HMCN1: variants seen among roughly 807,000 people sequenced by gnomAD.
The protein encoded by HMCN1 is hemicentin 1, also known as hemicentin-1.
In HMCN1, 321 loss-of-function variants were observed where a neutral mutation model predicts 625.9. The observed-to-expected ratio is 0.51, with a 90% CI of 0.47 to 0.56. HMCN1 has a LOEUF of 0.56. Among genes scored for constraint, HMCN1 ranks in the 20% least tolerant of loss-of-function variants. The probability of loss-of-function intolerance (pLI) is 0.00; values close to 1 mark genes in which losing one functional copy is unlikely to be tolerated. For synonymous variants in HMCN1, 2,425 were observed against 2,417.6 expected (o/e 1.00, Z -0.09); for missense variants, 6,588 against 6,887.3 (o/e 0.96, Z 1.54).
chr1:186,174,584 C>A lies in HMCN1; in HGVS notation c.15885C>A (p.Ser5295Arg). The A allele has an allele frequency of 6.2e-7, 1 of 1,613,808 alleles. No homozygotes were observed. The highest frequency in any genetic ancestry group is 8.5e-7 in the Non-Finnish European group (1 of 1,179,736). Residue 5295 changes from serine to arginine, a missense_variant, in exon 103 of 107, where the codon AGC becomes AGA. This residue lies in a region of HMCN1 where 1,954 missense variants were observed against 2,013.1 expected (regional missense o/e 0.97). Transcript: ENST00000271588. ...YNQICENTRG[S>R]YRCVCPRGYR... is the part of the protein sequence containing the mutation. Reference sequence around the variant, plus strand: ...AGATATGTGAGAATACAAGAGGCAGCTATCGTTGTGTATGCCCAAGAGGTT... The same window carrying A: ...AGATATGTGAGAATACAAGAGGCAGATATCGTTGTGTATGCCCAAGAGGTT...
chr1:186,190,521 G>A lies in HMCN1; in HGVS notation c.*643G>A, dbSNP rs1353461869. The A allele has an allele frequency of 1.5e-5, 3 of 202,404 alleles. No homozygotes were observed. The highest frequency in any genetic ancestry group is 6.9e-5 in the African/African-American group (3 of 43,608). 12.5% of individuals were successfully genotyped at this position (202,404 alleles called of 1,614,324 possible). Reference sequence around the variant, plus strand: ...TTTCAGTGATTTTGTGAGATCAGCTGAACCACTTATGATAATAATAATAAA... The same window carrying A: ...TTTCAGTGATTTTGTGAGATCAGCTAAACCACTTATGATAATAATAATAAA... On this transcript the variant is annotated 3_prime_UTR_variant, in exon 107 of 107. Coordinates refer to ENST00000271588, the MANE Select transcript of HMCN1 (RefSeq NM_031935.3).
rs192579196 is a variant in HMCN1 at position 185,835,456 on chromosome 1, A to G, written c.269-10570A>G. Among the ~76,000 whole-genome samples, 386 of 152,292 alleles carry G rather than the reference A, an allele frequency of 2.5e-3. 2 individuals carry two copies. Among genetic ancestry groups the G allele is most frequent in the Non-Finnish European group, 3.1e-3 (213 of 68,028 alleles). On this transcript the variant is annotated intron_variant, in intron 1 of 106. Coordinates refer to ENST00000271588, the MANE Select transcript of HMCN1 (RefSeq NM_031935.3). ...TAAGGGGAGGGGGTGGGATGGCTCA[A>G]ATGTGGATGCTTTCCTATTATCAAG...
intron 46 of HMCN1, among the ~76,000 whole-genome samples, chr1:186,057,871 T>C (rs1424883955): frequency 1.3e-5 from 2 of 152,042 alleles, no homozygotes; most frequent in Non-Finnish European, 2.9e-5. Context: ...TCAAGAGATA[T>C]TGATCATATT....
At chr1:186,125,012 T>C (rs1480624806) in intron 81 of HMCN1, among the ~76,000 whole-genome samples, 3 of 152,152 alleles carry the variant, frequency 2.0e-5, no homozygotes, top group Non-Finnish European at 4.4e-5. Context: ...TTTGGTACTA[T>C]ACTGTGCAGT....
At chr1:186,164,238 A>ATTT (rs1651721502) in intron 97 of HMCN1, among the ~76,000 whole-genome samples, 1 of 133,160 alleles carries the variant, frequency 7.5e-6, no homozygotes, top group Non-Finnish European at 1.6e-5. Flanking sequence ...TCTAACTTAA[A>ATTT]TCTTTTTTTT....
intron 11 of HMCN1, among the ~76,000 whole-genome samples, chr1:185,959,367 G>A (rs1173661505): frequency 6.6e-6 from 1 of 151,984 alleles, no homozygotes; most frequent in East Asian, 1.9e-4. Flanking sequence ...TGAGATGGCT[G>A]TTTTCATGGC....
rs370518238 is a variant in HMCN1 at position 185,993,226 on chromosome 1, G to A, written c.3422G>A (p.Arg1141His). 98 of 1,612,464 alleles carry A rather than the reference G, an allele frequency of 6.1e-5. No individual in the cohort carries two copies. The highest frequency in any genetic ancestry group is 7.7e-5 in the Non-Finnish European group (91 of 1,178,802). The change falls in exon 23 of 107, where the codon CGC (arginine) becomes CAC (histidine). Residue 1141 changes from arginine (R) to histidine (H), a missense_variant. By Grantham distance (29) the Arg-to-His change is conservative. Transcript: ENST00000271588. ...GGTTCAATGAAGATCACTGAAACCC[G>A]CACTTCAGATAGTGGGATGTATCTT... ...PSGSMKITET[R>H]TSDSGMYLCV...
intron 39 of HMCN1, among the ~76,000 whole-genome samples, chr1:186,040,569 A>T (rs1656138051): frequency 6.6e-6 from 1 of 152,196 alleles, no homozygotes; most frequent in African/African-American, 2.4e-5. Flanking sequence ...TTAGAAATAC[A>T]ACTGAATCCA....
At chr1:185,735,527 C>G (rs1653499404) in intron 1 of HMCN1, among the ~76,000 whole-genome samples, 1 of 152,170 alleles carries the variant, frequency 6.6e-6, no homozygotes, top group African/African-American at 2.4e-5. Flanking sequence ...TAAGTAGTAA[C>G]TACTAGTGGA....
chr1:186,115,512 T>C (rs1313333513), intron 75 of HMCN1, 98 bp downstream of exon 75: 3 of 1,121,082 alleles, frequency 2.7e-6, no homozygotes, highest in Admixed American at 1.9e-5. Flanking sequence ...ATATAGACTA[T>C]AACAAATTAG....
chr1:185,909,821 G>T (rs932643348), intron 5 of HMCN1, among the ~76,000 whole-genome samples: 1 of 152,024 alleles, frequency 6.6e-6, no homozygotes, highest in Non-Finnish European at 1.5e-5. Context: ...ATATTTTACA[G>T]TAACTTACTC....
At chr1:185,907,506 C>T (rs1666163412) in intron 4 of HMCN1, among the ~76,000 whole-genome samples, 1 of 152,068 alleles carries the variant, frequency 6.6e-6, no homozygotes, top group South Asian at 2.1e-4. Flanking sequence ...TATCTGAGCA[C>T]TTCACTGCAG....
At chr1:185,794,652 A>G (rs1420753887) in intron 1 of HMCN1, among the ~76,000 whole-genome samples, 1 of 130,182 alleles carries the variant, frequency 7.7e-6, no homozygotes. Context: ...CTGTGCCGGC[A>G]GCTGATTAGG....
intron 7 of HMCN1, 93 bp from the exon 8 acceptor site, chr1:185,923,297 G>A: frequency 1.0e-6 from 1 of 976,706 alleles, no homozygotes; most frequent in Non-Finnish European, 1.6e-6. Context: ...CATCCTTATG[G>A]TACTCATATA....
chr1:186,088,552 TGTTAAA>T (rs1659661952), intron 62 of HMCN1, 48 bp from the exon 63 acceptor site: 2 of 1,565,458 alleles, frequency 1.3e-6, no homozygotes, highest in Non-Finnish European at 8.7e-7. Context: ...ATTTTAGAGA[TGTTAAA>T]GTTTAAAGGT....
At chr1:186,084,813 T>A (rs1303868623) in intron 57 of HMCN1, among the ~76,000 whole-genome samples, 1 of 152,080 alleles carries the variant, frequency 6.6e-6, no homozygotes, top group South Asian at 2.1e-4. Flanking sequence ...ATGTTTTATA[T>A]AGGTTATTTC....
rs759282631 is a variant in HMCN1, at chr1:185,995,022, T to C, written c.3713T>C (p.Ile1238Thr). 1.2e-6 allele frequency: 2 copies of C among 1,613,742 alleles called. No individual in the cohort carries two copies. The highest frequency in any genetic ancestry group is 1.1e-5 in the South Asian group (1 of 91,068). Residue 1238 changes from isoleucine (I) to threonine (T), a missense_variant, in exon 24 of 107, where the codon ATA (isoleucine) becomes ACA (threonine). Physicochemically the swap from Ile to Thr is moderately conservative, Grantham distance 89 (BLOSUM62 -1). Coordinates refer to ENST00000271588, the MANE Select transcript of HMCN1 (RefSeq NM_031935.3). ...IDQATPSDAG[I>T]YTCVATNIAG... ...CAAGCCACGCCCTCAGATGCTGGCA[T>C]ATATACATGTGTTGCTACTAACATA...
intron 11 of HMCN1, among the ~76,000 whole-genome samples, chr1:185,960,767 G>A (rs1240179467): frequency 2.6e-5 from 4 of 152,148 alleles, no homozygotes; most frequent in African/African-American, 4.8e-5. Flanking sequence ...AGCTAGACAC[G>A]AGAAGCATTT....
intron 6 of HMCN1, 129 bp downstream of exon 6, chr1:185,911,909 G>A (rs935925821): frequency 5.3e-5 from 38 of 721,346 alleles, no homozygotes; most frequent in East Asian, 2.4e-4. Flanking sequence ...AAAAAGCAAC[G>A]TACATAGGTG....
Sources: allele counts gnomAD v4.1 joint callset (sites outside exome capture counted in the v4.1 genomes callset), GRCh38; gene constraint gnomAD v4.1.1; regional missense constraint gnomAD v4.1.1; transcripts MANE v1.5; gene names NCBI Gene and HGNC (gene_info 2026-07-23, HGNC 2026-07-21).